The following NIBAN1 variants were observed in gnomAD, a reference collection of about 807,000 sequenced individuals.
The protein encoded by NIBAN1 is niban apoptosis regulator 1.
Under a neutral mutation model 75.1 loss-of-function variants are expected in NIBAN1, and 81 were observed. The ratio of observed to expected loss-of-function variants is 1.08; its 90% CI spans 0.90 to 1.30. The LOEUF is 1.30. Ranked by LOEUF, NIBAN1 falls within the 50% of genes most tolerant of loss-of-function variation. NIBAN1 has a pLI of 0.00. For missense variants in NIBAN1, 1,133 were observed against 1,128.1 expected, an observed-to-expected ratio of 1.00 and a Z score of -0.06; for synonymous variants, 436 against 424.8, an observed-to-expected ratio of 1.03 and a Z score of -0.32.
Position 184,964,407 on chromosome 1 carries a change from G to A in NIBAN1, c.55+9895C>T, listed in dbSNP as rs193123544. ...AGGAAATTCAGATGAAAGGAGCAAT[G>A]ACTGTGACCATCTGGGAGGCAGCAC... On this transcript the variant is annotated intron_variant, in intron 1 of 13. Coordinates refer to ENST00000367511, the MANE Select transcript of NIBAN1 (RefSeq NM_052966.4). Among the ~76,000 whole-genome samples the A allele has an allele frequency of 8.2e-3, 1,251 of 152,340 alleles. 11 individuals carry two copies. The highest frequency in any genetic ancestry group is 0.012 in the Non-Finnish European group (806 of 68,042).
chr1:184,924,880 C>T lies in NIBAN1; in HGVS notation c.56-25571G>A, dbSNP rs530981428. 1.3e-3 allele frequency among the ~76,000 whole-genome samples: 205 copies of T among 152,130 alleles called. 1 individual carries two copies. The highest frequency in any genetic ancestry group is 4.8e-3 in the African/African-American group (198 of 41,540). On this transcript the variant is annotated intron_variant, in intron 1 of 13. Coordinates refer to ENST00000367511, the MANE Select transcript of NIBAN1 (RefSeq NM_052966.4). Reference sequence around the variant, plus strand: ...TTCTGCAGCATTGGTTGTAATGTTTCCATTTTCAGGTCTAATTTTATTTGG... The same window carrying T: ...TTCTGCAGCATTGGTTGTAATGTTTTCATTTTCAGGTCTAATTTTATTTGG...
intron 3 of NIBAN1, among the ~76,000 whole-genome samples, chr1:184,891,992 AAGC>A (rs1338518589): frequency 6.6e-6 from 1 of 152,328 alleles, no homozygotes; most frequent in African/African-American, 2.4e-5. Context: ...AACAAAGAAA[AAGC>A]AGTGCAATGT....
chr1:184,947,663 C>T (rs1218363587), intron 1 of NIBAN1, among the ~76,000 whole-genome samples: 1 of 152,136 alleles, frequency 6.6e-6, no homozygotes. Context: ...TTGTGCTGAC[C>T]AGGGGCCAGA....
intron 1 of NIBAN1, among the ~76,000 whole-genome samples, chr1:184,956,710 C>T (rs1407395734): frequency 2.6e-5 from 4 of 152,102 alleles, no homozygotes; most frequent in Non-Finnish European, 5.9e-5. Context: ...TTATCATCCT[C>T]TCTATATTTT....
At chr1:184,972,617 A>G (rs170885) in intron 1 of NIBAN1, among the ~76,000 whole-genome samples, 81,195 of 152,106 alleles carry the variant, frequency 0.53, 22,953 homozygotes, top group African/African-American at 0.7. Flanking sequence ...AAGACTGGGA[A>G]ATGTAATGAC....
At chr1:184,918,010 G>T (rs890317536) in intron 1 of NIBAN1, among the ~76,000 whole-genome samples, 2 of 152,080 alleles carry the variant, frequency 1.3e-5, no homozygotes, top group South Asian at 2.1e-4. Flanking sequence ...CTACATGTGT[G>T]TTTGCTGTCC....
intron 2 of NIBAN1, among the ~76,000 whole-genome samples, chr1:184,897,780 T>C (rs546003231): frequency 1.3e-5 from 2 of 152,308 alleles, no homozygotes; most frequent in East Asian, 1.9e-4. Flanking sequence ...CAAGAAGTCA[T>C]CACTGATTTC....
At chr1:184,891,715 T>G (rs531819832) in intron 3 of NIBAN1, among the ~76,000 whole-genome samples, 6 of 152,336 alleles carry the variant, frequency 3.9e-5, no homozygotes, top group African/African-American at 1.4e-4. Flanking sequence ...CAAGTGAGAA[T>G]GTTTTACTTT....
In NIBAN1 at chr1:184,795,557, C is replaced by T. The variant is rs755876221; in HGVS notation, c.2207G>A (p.Gly736Glu). 1 of 1,614,182 alleles carries T rather than the reference C, an allele frequency of 6.2e-7. No individual in the cohort carries two copies. The highest frequency in any genetic ancestry group is 2.2e-5 in the East Asian group (1 of 44,880). ...ATTTTCTTGGGGAACGTGGCTCTCC[C>T]CATTCGTATCTTCTTCCATCACTGG... is the stretch of plus-strand genomic sequence containing the variant. Reference protein sequence around the residue: ...SAPVMEEDTNGESHVPQENEE... With the variant: ...SAPVMEEDTNEESHVPQENEE... Residue 736 changes from glycine to glutamate, a missense_variant, in exon 14 of 14, where the codon GGG (glycine) becomes GAG (glutamate). Physicochemically the swap from Gly to Glu is moderately conservative, Grantham distance 98 (BLOSUM62 -2). Coordinates refer to ENST00000367511, the MANE Select transcript of NIBAN1 (RefSeq NM_052966.4).
At chr1:184,844,017 G>A (rs570941963) in intron 5 of NIBAN1, among the ~76,000 whole-genome samples, 26 of 152,300 alleles carry the variant, frequency 1.7e-4, no homozygotes, top group Non-Finnish European at 3.5e-4. Flanking sequence ...AAGCTTGACT[G>A]TTCAAACAAA....
intron 5 of NIBAN1, among the ~76,000 whole-genome samples, chr1:184,854,334 T>C (rs1360703211): frequency 1.3e-5 from 2 of 152,218 alleles, no homozygotes; most frequent in Non-Finnish European, 2.9e-5. Flanking sequence ...AGGGATCTGT[T>C]TTATATCAAT....
intron 1 of NIBAN1, among the ~76,000 whole-genome samples, chr1:184,949,666 AGAGT>A (rs1263752325): frequency 1.3e-5 from 2 of 152,210 alleles, no homozygotes; most frequent in African/African-American, 4.8e-5. Context: ...AGTTTAAATA[AGAGT>A]AAGAGATAGC....
chr1:184,955,307 T>TTTTCCTTTCCTTCCCTTTCC, intron 1 of NIBAN1, among the ~76,000 whole-genome samples: 1 of 94,554 alleles, frequency 1.1e-5, no homozygotes, highest in South Asian at 4.1e-4. Flanking sequence ...TTTTCTTTTC[T>TTTTCCTTTCCTTCCCTTTCC]TTTCCTTTCC....
At chr1:184,836,111 ATT>A (rs1333820372) in intron 5 of NIBAN1, among the ~76,000 whole-genome samples, 1 of 152,222 alleles carries the variant, frequency 6.6e-6, no homozygotes, top group Admixed American at 6.5e-5. Flanking sequence ...AAAAACAAAA[ATT>A]AAAGTCTTGC....
intron 1 of NIBAN1, among the ~76,000 whole-genome samples, chr1:184,968,845 G>A (rs1279922265): frequency 2.6e-5 from 4 of 152,122 alleles, no homozygotes; most frequent in Non-Finnish European, 5.9e-5. Context: ...ATGGTCCAGG[G>A]CTGGTATGGA....
intron 1 of NIBAN1, among the ~76,000 whole-genome samples, chr1:184,965,167 T>C (rs1297520456): frequency 4.6e-5 from 7 of 151,910 alleles, no homozygotes; most frequent in Non-Finnish European, 8.8e-5. Context: ...GGTGTGGTGG[T>C]GGGCGCCTGT....
At chr1:184,855,166 AAT>A (rs369832452) in intron 5 of NIBAN1, among the ~76,000 whole-genome samples, 278 of 152,382 alleles carry the variant, frequency 1.8e-3, no homozygotes, top group African/African-American at 6.3e-3. Flanking sequence ...TTATTTATTA[AAT>A]AGTTGTAACT....
intron 1 of NIBAN1, among the ~76,000 whole-genome samples, chr1:184,913,155 T>TATATATATATATATATA (rs1245492472): frequency 6.7e-5 from 5 of 74,766 alleles, no homozygotes; most frequent in Non-Finnish European, 1.5e-4. Context: ...ATATATATAT[T>TATATATATATATATATA]ATATATATAT....
Position 184,795,995 on chromosome 1 carries a change from G to GT in NIBAN1, c.1768dup (p.Thr590AsnfsTer22), listed in dbSNP as rs750523967. On this transcript the variant is annotated frameshift_variant, in exon 14 of 14. Coordinates refer to ENST00000367511, the MANE Select transcript of NIBAN1 (RefSeq NM_052966.4). LOFTEE classifies it low-confidence loss of function (END_TRUNC). ...GGCAGGGCTGGCCTGGTTTGACCCT[G>GT]TGGGGGGCTTTAGATCTGTTAAGCT... 1 of 1,613,600 alleles carries GT rather than the reference G, an allele frequency of 6.2e-7. No homozygotes were observed. Among genetic ancestry groups the GT allele is most frequent in the African/African-American group, 1.3e-5 (1 of 74,930 alleles).
Sources: allele counts gnomAD v4.1 joint callset (sites outside exome capture counted in the v4.1 genomes callset), GRCh38; gene constraint gnomAD v4.1.1; transcripts MANE v1.5; gene names NCBI Gene and HGNC (gene_info 2026-07-23, HGNC 2026-07-21).